RARS2: variants seen among roughly 807,000 people sequenced by gnomAD.
The protein encoded by RARS2 is probable arginine--tRNA ligase, mitochondrial.
RARS2 carries 67 observed loss-of-function variants against 88.5 expected under a neutral mutation model. The ratio of observed to expected loss-of-function variants is 0.76; its 90% CI spans 0.62 to 0.93. The LOEUF (loss-of-function observed/expected upper bound fraction) is 0.93. RARS2 is among the 40% of genes least tolerant of loss of function. The probability of loss-of-function intolerance (pLI) is 0.00; values close to 1 mark genes in which losing one functional copy is unlikely to be tolerated. For missense variants in RARS2, 664 were observed against 684.2 expected, an observed-to-expected ratio of 0.97 and a Z score of 0.33; for synonymous variants, 239 against 230.3, an observed-to-expected ratio of 1.04 and a Z score of -0.34.
chr6:87,566,280 T>G (rs961634274), intron 2 of RARS2, among the ~76,000 whole-genome samples: 1 of 152,222 alleles, frequency 6.6e-6, no homozygotes, highest in Non-Finnish European at 1.5e-5. Context: ...ATATCTTATG[T>G]TTTTCTATGT....
At chr6:87,519,206 GTGTATA>G (rs1772948163) in intron 14 of RARS2, 2 of 272,244 alleles carry the variant, frequency 7.3e-6, no homozygotes, top group South Asian at 4.0e-5. Context: ...GTGTGTGTGT[GTGTATA>G]TATATATATC....
intron 5 of RARS2, among the ~76,000 whole-genome samples, chr6:87,550,617 C>T (rs1416855587): frequency 6.6e-6 from 1 of 150,616 alleles, no homozygotes; most frequent in Non-Finnish European, 1.5e-5. Context: ...CATATCTTTG[C>T]CAAAACTCAT....
rs553948951 is a variant in RARS2 at position 87,581,760 on chromosome 6, C to T, written c.36+8162G>A. On this transcript the variant is annotated intron_variant, in intron 1 of 19. Coordinates refer to ENST00000369536, the MANE Select transcript of RARS2 (RefSeq NM_020320.5). ...CCTAAAGCTCTCACTCTTCCCACCC[C>T]ACCCCCAACAAACGCTGGTGTGTGT... Among the ~76,000 whole-genome samples, 15 of 152,238 alleles carry T rather than the reference C, an allele frequency of 9.9e-5. No homozygotes were observed. In the South Asian group the frequency reaches 3.1e-3, roughly 32 times the overall value.
intron 2 of RARS2, chr6:87,564,586 T>TTGAATCC (rs1767282741): frequency 2.7e-6 from 1 of 376,640 alleles, no homozygotes; most frequent in African/African-American, 2.1e-5. Context: ...GGGGAATCGC[T>TTGAATCC]TGAATCCTGG....
intron 1 of RARS2, among the ~76,000 whole-genome samples, chr6:87,579,594 G>C (rs141112833): frequency 2.0e-3 from 295 of 151,184 alleles, no homozygotes; most frequent in African/African-American, 6.9e-3. Context: ...TTTTAACAAT[G>C]CCCAAAGTAG....
chr6:87,556,879 T>C (rs1469298438), intron 4 of RARS2, among the ~76,000 whole-genome samples: 1 of 151,488 alleles, frequency 6.6e-6, no homozygotes, highest in African/African-American at 2.4e-5. Flanking sequence ...CTTGAACTCC[T>C]GGGCTCAAAT....
chr6:87,518,171 G>C lies in RARS2; in HGVS notation c.1509C>G (p.Leu503=), dbSNP rs756554691. Residue 503 remains leucine, a splice_region_variant and synonymous_variant, in exon 17 of 20, where the codon CTC becomes CTG. Transcript: ENST00000369536. Reference sequence around the variant, plus strand: ...ATGATCCCTGGAAAACATCATACCTGAGAAGATGCTGAAGAATTGAAACAG... The same window carrying C: ...ATGATCCCTGGAAAACATCATACCTCAGAAGATGCTGAAGAATTGAAACAG... ...PQSVSILQHL[L]RFDEVLYKSS... is the part of the protein sequence containing the mutation. 2 of 1,614,142 alleles carry C rather than the reference G, an allele frequency of 1.2e-6. No individual in the cohort carries two copies. Among genetic ancestry groups the C allele is most frequent in the Non-Finnish European group, 1.7e-6 (2 of 1,180,012 alleles).
At position 87,555,501 on chromosome 6, in the gene RARS2, A is replaced by C. The variant is rs1293760591; in HGVS notation, c.302T>G (p.Val101Gly). ...GCCATCTTCAATTACTTGTTGTAGC[A>C]CTGTCTGAAAATTAAAGGACTGTAA... ...KINRELLTKT[V>G]LQQVIEDGSK... The change falls in exon 5 of 20, where the codon GTG becomes GGG. Residue 101 changes from valine to glycine, a missense_variant. Physicochemically the swap from Val to Gly is moderately radical, Grantham distance 109. Transcript: ENST00000369536. 5 of 1,609,936 alleles carry C rather than the reference A, an allele frequency of 3.1e-6. No individual in the cohort carries two copies. The highest frequency in any genetic ancestry group is 4.3e-6 in the Non-Finnish European group (5 of 1,176,436).
intron 4 of RARS2, among the ~76,000 whole-genome samples, 154 bp from the exon 5 acceptor site, chr6:87,555,659 T>C (rs538814370): frequency 5.9e-5 from 9 of 152,362 alleles, no homozygotes; most frequent in Admixed American, 3.3e-4. Context: ...AGCACCACTT[T>C]TCTTGTTACT....
chr6:87,518,776 G>T, intron 15 of RARS2, 37 bp from the exon 16 acceptor site: 3 of 1,611,314 alleles, frequency 1.9e-6, no homozygotes, highest in Non-Finnish European at 2.5e-6. Context: ...GCTGGGATTT[G>T]CTCTAGTACC....
At chr6:87,526,014 A>C (rs1006861256) in intron 10 of RARS2, among the ~76,000 whole-genome samples, 1 of 152,230 alleles carries the variant, frequency 6.6e-6, no homozygotes, top group Non-Finnish European at 1.5e-5. Context: ...AGAAATCAAA[A>C]CACAGATAAA....
chr6:87,589,607 C>T, intron 1 of RARS2: 1 of 925,550 alleles, frequency 1.1e-6, no homozygotes, highest in Non-Finnish European at 1.3e-6. Flanking sequence ...ACACTAACTT[C>T]TATGGGGTCT....
Position 87,514,997 on chromosome 6 carries a change from T to G in RARS2, c.1610A>C (p.Lys537Thr). The change falls in exon 19 of 20, where the codon AAA becomes ACA. Residue 537 changes from lysine (K) to threonine (T), a missense_variant. Coordinates refer to ENST00000369536, the MANE Select transcript of RARS2 (RefSeq NM_020320.5). Reference sequence around the variant, plus strand: ...AGGACTATCTTTTATTTGTAGTGTTTTGTGTGCCACAGCTGCAAGATGACT... The same window carrying G: ...AGGACTATCTTTTATTTGTAGTGTTGTGTGTGCCACAGCTGCAAGATGACT... ...TLSHLAAVAH[K>T]TLQIKDSPPE... 6.2e-7 allele frequency: 1 copy of G among 1,613,592 alleles called. No homozygotes were observed. Among genetic ancestry groups the G allele is most frequent in the South Asian group, 1.1e-5 (1 of 91,070 alleles).
intron 2 of RARS2, among the ~76,000 whole-genome samples, chr6:87,564,971 T>C (rs1048958244): frequency 2.6e-5 from 4 of 152,020 alleles, no homozygotes; most frequent in Non-Finnish European, 5.9e-5. Context: ...GGCACGAGAA[T>C]TGCTTGAACC....
At chr6:87,524,041 AC>A (rs146731964) in intron 11 of RARS2, among the ~76,000 whole-genome samples, 4,718 of 152,342 alleles carry the variant, frequency 0.031, 100 homozygotes, top group Non-Finnish European at 0.042. Flanking sequence ...ATATAAAACA[AC>A]AAAGTATCAT....
At chr6:87,586,730 A>G (rs1775269593) in intron 1 of RARS2, among the ~76,000 whole-genome samples, 1 of 152,158 alleles carries the variant, frequency 6.6e-6, no homozygotes, top group Non-Finnish European at 1.5e-5. Context: ...AAACTATTAT[A>G]GCAAAACGAT....
At chr6:87,558,513 A>ATT (rs2128156343) in intron 4 of RARS2, among the ~76,000 whole-genome samples, 1 of 152,352 alleles carries the variant, frequency 6.6e-6, no homozygotes, top group African/African-American at 2.4e-5. Flanking sequence ...CTGCAAAAAC[A>ATT]ACACCTACAG....
intron 1 of RARS2, among the ~76,000 whole-genome samples, chr6:87,588,696 C>G (rs4552702): frequency 6.6e-6 from 1 of 151,928 alleles, no homozygotes; most frequent in African/African-American, 2.4e-5. Flanking sequence ...CAATAGAAAA[C>G]CTCAATAGTT....
chr6:87,537,732 T>C (rs1474575557), intron 8 of RARS2, among the ~76,000 whole-genome samples: 2 of 152,164 alleles, frequency 1.3e-5, no homozygotes, highest in Non-Finnish European at 2.9e-5. Flanking sequence ...AGAAAACAGA[T>C]TTTCACAAAT....
Sources: allele counts gnomAD v4.1 joint callset (sites outside exome capture counted in the v4.1 genomes callset), GRCh38; gene constraint gnomAD v4.1.1; transcripts MANE v1.5; gene names NCBI Gene and HGNC (gene_info 2026-07-23, HGNC 2026-07-21).